ROBO1: variants seen among roughly 807,000 people sequenced by gnomAD.
The protein encoded by ROBO1 is roundabout homolog 1.
In ROBO1, 149 loss-of-function variants were observed where a neutral mutation model predicts 195.9. The observed-to-expected ratio is 0.76, with a 90% CI of 0.67 to 0.87. ROBO1 has a LOEUF of 0.87. Among genes scored for constraint, ROBO1 ranks in the 40% least tolerant of loss-of-function variants. The pLI is 0.00. For synonymous variants in ROBO1, 816 were observed against 733.2 expected (o/e 1.11, Z -1.82); for missense variants, 1,933 against 2,068.3 (o/e 0.93, Z 1.27).
intron 1 of ROBO1, among the ~76,000 whole-genome samples, chr3:79,665,502 C>T (rs978221967): frequency 6.6e-6 from 1 of 151,758 alleles, no homozygotes; most frequent in Admixed American, 6.6e-5. Context: ...ATAGGTGTCT[C>T]CCCTTTAAGC....
intron 1 of ROBO1, among the ~76,000 whole-genome samples, chr3:79,645,849 G>T (rs1945806180): frequency 6.6e-6 from 1 of 151,974 alleles, no homozygotes; most frequent in Non-Finnish European, 1.5e-5. Context: ...TTGGACAAAG[G>T]TGCCAAGAAC....
intron 10 of ROBO1, among the ~76,000 whole-genome samples, chr3:78,679,993 A>G (rs2107785796): frequency 6.6e-6 from 1 of 152,316 alleles, no homozygotes; most frequent in African/African-American, 2.4e-5. Context: ...GATATAGATC[A>G]ATGGAACAGA....
chr3:79,272,808 A>C (rs894136874), intron 2 of ROBO1, among the ~76,000 whole-genome samples: 1 of 152,084 alleles, frequency 6.6e-6, no homozygotes, highest in Non-Finnish European at 1.5e-5. Context: ...CTACCTCAAC[A>C]TTGAATAACC....
intron 9 of ROBO1, among the ~76,000 whole-genome samples, chr3:78,687,183 C>G (rs2081070965): frequency 1.3e-5 from 2 of 152,146 alleles, no homozygotes; most frequent in Admixed American, 1.3e-4. Context: ...AAATATCACT[C>G]TTTTAAGAAG....
chr3:79,254,802 A>G (rs1028353054), intron 2 of ROBO1, among the ~76,000 whole-genome samples: 1 of 152,152 alleles, frequency 6.6e-6, no homozygotes, highest in Non-Finnish European at 1.5e-5. Context: ...ATAGTAACCA[A>G]GACTGTAGTA....
At chr3:78,829,507 T>C (rs559019040) in intron 4 of ROBO1, among the ~76,000 whole-genome samples, 10 of 152,274 alleles carry the variant, frequency 6.6e-5, no homozygotes, top group African/African-American at 2.4e-4. Flanking sequence ...AGTCCATTTT[T>C]CTGCCCTCAA....
intron 1 of ROBO1, among the ~76,000 whole-genome samples, chr3:79,689,165 A>G (rs1576234787): frequency 6.6e-6 from 1 of 152,156 alleles, no homozygotes; most frequent in East Asian, 1.9e-4. Context: ...CAAAAACACT[A>G]AGCTTAATAC....
intron 4 of ROBO1, among the ~76,000 whole-genome samples, chr3:78,767,874 T>A (rs572558240): frequency 2.4e-4 from 36 of 152,248 alleles, no homozygotes; most frequent in Middle Eastern, 3.4e-3. Context: ...TTAAAAGAAC[T>A]AGCTTTTGGT....
At chr3:78,876,353 A>T (rs975900157) in intron 4 of ROBO1, among the ~76,000 whole-genome samples, 1 of 152,132 alleles carries the variant, frequency 6.6e-6, no homozygotes, top group Non-Finnish European at 1.5e-5. Context: ...CAACTTAGCC[A>T]TAATTATATC....
At chr3:78,633,825 A>G (rs563382979) in intron 24 of ROBO1, 110 bp downstream of exon 24, 26 of 559,842 alleles carry the variant, frequency 4.6e-5, no homozygotes, top group African/African-American at 3.8e-4. Flanking sequence ...CAAATTACAT[A>G]CAGTGATTTA....
chr3:79,640,449 C>T (rs937102815), intron 1 of ROBO1, among the ~76,000 whole-genome samples: 2 of 151,990 alleles, frequency 1.3e-5, no homozygotes, highest in African/African-American at 2.4e-5. Flanking sequence ...TACCCAGTGT[C>T]GGGTATGTCT....
At chr3:79,298,778 A>G (rs1241090272) in intron 2 of ROBO1, among the ~76,000 whole-genome samples, 1 of 152,148 alleles carries the variant, frequency 6.6e-6, no homozygotes, top group Non-Finnish European at 1.5e-5. Flanking sequence ...AATAACTAGA[A>G]AAATAATTTG....
intron 2 of ROBO1, among the ~76,000 whole-genome samples, chr3:79,414,164 C>T (rs1461942594): frequency 6.6e-6 from 1 of 151,790 alleles, no homozygotes; most frequent in Non-Finnish European, 1.5e-5. Context: ...TAGAGAACTT[C>T]ACACATTATA....
At chr3:79,595,449 C>T (rs994653479) in intron 1 of ROBO1, among the ~76,000 whole-genome samples, 5 of 151,966 alleles carry the variant, frequency 3.3e-5, no homozygotes, top group African/African-American at 9.7e-5. Context: ...AACTCTTCAG[C>T]CTAGGTGGCT....
intron 4 of ROBO1, among the ~76,000 whole-genome samples, chr3:78,875,502 G>A (rs1576327695): frequency 1.3e-5 from 2 of 151,920 alleles, no homozygotes; most frequent in Admixed American, 1.3e-4. Context: ...CTTATAGTTA[G>A]GGTAACCTGG....
At chr3:78,863,491 G>A (rs929042347) in intron 4 of ROBO1, among the ~76,000 whole-genome samples, 1 of 152,146 alleles carries the variant, frequency 6.6e-6, no homozygotes, top group African/African-American at 2.4e-5. Context: ...GCCAGCAAAG[G>A]AGGTTCTGCC....
rs375272762 is a variant in ROBO1, at chr3:79,081,037, T to C, written c.172+44419A>G. Among the ~76,000 whole-genome samples the C allele has an allele frequency of 2.6e-5, 4 of 152,186 alleles. No individual in the cohort carries two copies. In the East Asian group the frequency reaches 5.8e-4, roughly 22 times the overall value. ...ACCTTACATGAAAATGCTGAAACCA[T>C]AGAAGAAAATTTCCATAGAAGAAAA... On this transcript the variant is annotated intron_variant, in intron 3 of 30. Coordinates refer to ENST00000464233, the MANE Select transcript of ROBO1 (RefSeq NM_002941.4).
intron 2 of ROBO1, among the ~76,000 whole-genome samples, chr3:79,453,614 G>A (rs2039517362): frequency 6.6e-6 from 1 of 152,034 alleles, no homozygotes; most frequent in African/African-American, 2.4e-5. Context: ...TAGCTTTGGG[G>A]AGTTGTTCAT....
intron 2 of ROBO1, among the ~76,000 whole-genome samples, chr3:79,501,086 C>A (rs1433353063): frequency 1.3e-5 from 2 of 152,150 alleles, no homozygotes; most frequent in Non-Finnish European, 2.9e-5. Flanking sequence ...CAGGGTATGG[C>A]AAACCATGGA....
Sources: gnomAD v4.1 joint callset for allele counts (sites outside exome capture counted in the v4.1 genomes callset) on GRCh38, gnomAD v4.1.1 for gene constraint, MANE v1.5 for transcripts, NCBI Gene and HGNC (gene_info 2026-07-23, HGNC 2026-07-21) for gene names.